The following SCFD2 variants were observed in gnomAD, a reference collection of about 807,000 sequenced individuals.
SCFD2 encodes the protein sec1 family domain containing 2, also known as sec1 family domain-containing protein 2.
In SCFD2, 54 loss-of-function variants were observed where a neutral mutation model predicts 58.9. The observed-to-expected ratio is 0.92, with a 90% CI of 0.74 to 1.15. The LOEUF is 1.15. Among genes scored for constraint, SCFD2 ranks in the 50% most tolerant of loss-of-function variants. The pLI is 0.00. For missense variants in SCFD2, 805 were observed against 836.6 expected (o/e 0.96, Z 0.47); for synonymous variants, 321 against 335.9 (o/e 0.96, Z 0.49).
chr4:52,903,373 G>T (rs1188260697), intron 7 of SCFD2, among the ~76,000 whole-genome samples: 1 of 152,160 alleles, frequency 6.6e-6, no homozygotes, highest in Non-Finnish European at 1.5e-5. Context: ...GGAGGGTCAG[G>T]GCCTCCTTTG....
intron 3 of SCFD2, among the ~76,000 whole-genome samples, chr4:53,300,435 C>T (rs1221859094): frequency 6.6e-6 from 1 of 152,066 alleles, no homozygotes; most frequent in Admixed American, 6.5e-5. Context: ...ACAGGAGCAC[C>T]CAGATTCATA....
rs571195975 is a variant in SCFD2, at chr4:53,330,630, G to A, written c.1008-16867C>T. On this transcript the variant is annotated intron_variant, in intron 2 of 8. Coordinates refer to ENST00000401642, the MANE Select transcript of SCFD2 (RefSeq NM_152540.4). ...TGGAAAGGAACAACCAGTACCAGCC[G>A]CTGCAAAATCATGCCAAAATGTAAA... Among the ~76,000 whole-genome samples the A allele has an allele frequency of 1.0e-3, 157 of 151,932 alleles. No homozygotes were observed. In the East Asian group the frequency reaches 0.019, roughly 19 times the overall value.
intron 5 of SCFD2, among the ~76,000 whole-genome samples, chr4:52,928,397 T>C (rs1049786714): frequency 1.6e-4 from 24 of 152,116 alleles, no homozygotes. Flanking sequence ...CCTTTCATAT[T>C]AGAGTTCTTG....
At chr4:52,979,315 C>T (rs921615502) in intron 5 of SCFD2, among the ~76,000 whole-genome samples, 1 of 151,958 alleles carries the variant, frequency 6.6e-6, no homozygotes, top group Non-Finnish European at 1.5e-5. Flanking sequence ...GTGCTCTGAG[C>T]TTGTCTTTAC....
intron 3 of SCFD2, among the ~76,000 whole-genome samples, chr4:53,312,049 G>A (rs1181203693): frequency 6.6e-6 from 1 of 152,024 alleles, no homozygotes; most frequent in Non-Finnish European, 1.5e-5. Flanking sequence ...AGGAGAGAAG[G>A]GGATGGGAGA....
intron 4 of SCFD2, among the ~76,000 whole-genome samples, chr4:53,207,529 T>TATATA (rs1491126530): frequency 1.8e-3 from 26 of 14,848 alleles, no homozygotes; most frequent in African/African-American, 8.6e-3. Flanking sequence ...ATATATAATA[T>TATATA]TTATATATTA....
chr4:52,915,578 T>C (rs1361282704), intron 6 of SCFD2, among the ~76,000 whole-genome samples: 1 of 152,218 alleles, frequency 6.6e-6, no homozygotes, highest in African/African-American at 2.4e-5. Flanking sequence ...CATTTGTCTG[T>C]CTGTTCATCC....
chr4:53,256,996 G>T (rs1399011498), intron 4 of SCFD2, among the ~76,000 whole-genome samples: 1 of 151,846 alleles, frequency 6.6e-6, no homozygotes, highest in Non-Finnish European at 1.5e-5. Context: ...TTTCCTCATA[G>T]CAGTGTGAGA....
chr4:53,230,057 C>T (rs2149006008), intron 4 of SCFD2, among the ~76,000 whole-genome samples: 1 of 152,266 alleles, frequency 6.6e-6, no homozygotes, highest in East Asian at 1.9e-4. Context: ...GAATGCAAAT[C>T]AAAACCACAA....
intron 5 of SCFD2, among the ~76,000 whole-genome samples, chr4:53,008,329 AC>A (rs1393687866): frequency 6.6e-6 from 1 of 151,918 alleles, no homozygotes; most frequent in African/African-American, 2.4e-5. Flanking sequence ...GTAGAATGAC[AC>A]CCCCCCTTCC....
chr4:53,260,265 G>A (rs879898458), intron 4 of SCFD2, among the ~76,000 whole-genome samples: 2 of 152,126 alleles, frequency 1.3e-5, no homozygotes, highest in Non-Finnish European at 2.9e-5. Context: ...CCAGTACTAT[G>A]TTGAACAGAA....
chr4:53,108,802 G>A (rs1440068986), intron 5 of SCFD2, among the ~76,000 whole-genome samples: 2 of 152,182 alleles, frequency 1.3e-5, no homozygotes, highest in Admixed American at 1.3e-4. Context: ...AGAGGAGCTG[G>A]CACCATTCCT....
In SCFD2 at chr4:53,147,428, C is replaced by T. The variant is rs77100765; in HGVS notation, c.1312-1846G>A. 6.8e-3 allele frequency among the ~76,000 whole-genome samples: 1,035 copies of T among 152,154 alleles called. 16 individuals carry two copies. Among genetic ancestry groups the T allele is most frequent in the African/African-American group, 0.024 (1,003 of 41,504 alleles). ...AAGGTTCACGATTATATTTTATACA[C>T]AAAAAACAGCTGTTACCATTTATTT... On this transcript the variant is annotated intron_variant, in intron 4 of 8. Transcript: ENST00000401642.
intron 4 of SCFD2, among the ~76,000 whole-genome samples, chr4:53,251,261 A>G (rs1324504893): frequency 1.3e-5 from 2 of 152,270 alleles, no homozygotes; most frequent in Admixed American, 6.5e-5. Flanking sequence ...AACCAAAAAG[A>G]GTCCAGGACC....
Position 52,892,337 on chromosome 4 carries a change from C to G in SCFD2, c.1843-6471G>C, listed in dbSNP as rs140901068. 2.9e-3 allele frequency among the ~76,000 whole-genome samples: 441 copies of G among 152,300 alleles called. 5 individuals carry two copies. The highest frequency in any genetic ancestry group is 0.01 in the African/African-American group (423 of 41,554). On this transcript the variant is annotated intron_variant, in intron 7 of 8. Transcript: ENST00000401642. ...CATCTTCTCACCTTCCCTCCCCAAG[C>G]CAGTCTGCTCTTGTTTCTGTCTTGT...
intron 3 of SCFD2, among the ~76,000 whole-genome samples, chr4:53,309,283 T>C (rs901460247): frequency 2.0e-5 from 3 of 152,098 alleles, no homozygotes; most frequent in Non-Finnish European, 4.4e-5. Context: ...AAGTAAAAAG[T>C]AGGAAAGGCT....
chr4:53,262,667 C>A (rs1730863630), intron 4 of SCFD2, among the ~76,000 whole-genome samples: 1 of 152,156 alleles, frequency 6.6e-6, no homozygotes, highest in African/African-American at 2.4e-5. Context: ...GATGCTTTTG[C>A]TTCACAGCTC....
rs76563864 is a variant in SCFD2 at position 53,025,823 on chromosome 4, G to C, written c.1562-104953C>G. ...GTCACCTCATGGATCTTATGGACTG[G>C]ATTTTTAAATAATAGTTTGTCAAAA... On this transcript the variant is annotated intron_variant, in intron 5 of 8. Transcript: ENST00000401642. Among the ~76,000 whole-genome samples the C allele has an allele frequency of 2.3e-3, 349 of 152,220 alleles. 3 individuals are homozygous for C. Among genetic ancestry groups the C allele is most frequent in the Non-Finnish European group, 2.6e-3 (179 of 68,016 alleles).
chr4:53,189,886 C>T (rs1238107439), intron 4 of SCFD2, among the ~76,000 whole-genome samples: 1 of 152,130 alleles, frequency 6.6e-6, no homozygotes, highest in African/African-American at 2.4e-5. Flanking sequence ...TACTCCAAAG[C>T]CTAACCCAGT....
Sources: gnomAD v4.1 joint callset for allele counts (sites outside exome capture counted in the v4.1 genomes callset) on GRCh38, gnomAD v4.1.1 for gene constraint, MANE v1.5 for transcripts, NCBI Gene and HGNC (gene_info 2026-07-23, HGNC 2026-07-21) for gene names.